Variants in ATP6V1E1 observed in about 807,000 individuals in gnomAD.
ATP6V1E1 encodes V-type proton ATPase subunit E 1.
Under a neutral mutation model 35.2 loss-of-function variants are expected in ATP6V1E1, and 21 were observed. The ratio of observed to expected loss-of-function variants is 0.60; its 90% CI spans 0.42 to 0.86. The LOEUF (loss-of-function observed/expected upper bound fraction) is 0.86. Ranked by LOEUF, ATP6V1E1 falls within the 40% of genes least tolerant of loss-of-function variation. The probability of loss-of-function intolerance (pLI) is 0.00; values close to 1 mark genes in which losing one functional copy is unlikely to be tolerated. For synonymous variants in ATP6V1E1, 83 were observed against 87.8 expected (o/e 0.95, Z 0.30); for missense variants, 183 against 272.6 (o/e 0.67, Z 2.32).
intron 7 of ATP6V1E1, among the ~76,000 whole-genome samples, chr22:17,596,393 G>A (rs959229944): frequency 1.3e-5 from 2 of 152,158 alleles, no homozygotes; most frequent in Admixed American, 6.5e-5. Context: ...ACTGTGAGCA[G>A]AGGGTGGGCT....
chr22:17,593,485 AC>A (rs1247629531), intron 8 of ATP6V1E1, among the ~76,000 whole-genome samples: 1 of 152,190 alleles, frequency 6.6e-6, no homozygotes, highest in African/African-American at 2.4e-5. Context: ...CCTTAGGAGA[AC>A]TTAACCCTGG....
chr22:17,606,458 G>T (rs938605647), intron 4 of ATP6V1E1, among the ~76,000 whole-genome samples: 9 of 150,854 alleles, frequency 6.0e-5, no homozygotes, highest in African/African-American at 2.2e-4. Flanking sequence ...GTTCAATGAC[G>T]GCAAGAAGTT....
intron 4 of ATP6V1E1, among the ~76,000 whole-genome samples, chr22:17,607,815 A>T (rs922537620): frequency 6.6e-6 from 1 of 152,200 alleles, no homozygotes; most frequent in Non-Finnish European, 1.5e-5. Flanking sequence ...GGGAATGAAC[A>T]TCTGCATTTT....
chr22:17,608,922 T>C (rs928673894), intron 4 of ATP6V1E1, among the ~76,000 whole-genome samples: 16 of 151,922 alleles, frequency 1.1e-4, no homozygotes, highest in African/African-American at 3.9e-4. Context: ...CTGTCTGTAC[T>C]AAAAATACAA....
chr22:17,611,487 T>C (rs2057815133), intron 4 of ATP6V1E1, among the ~76,000 whole-genome samples: 1 of 152,228 alleles, frequency 6.6e-6, no homozygotes, highest in African/African-American at 2.4e-5. Flanking sequence ...GTGTCCTAAA[T>C]ATCAGTCCTT....
intron 1 of ATP6V1E1, among the ~76,000 whole-genome samples, chr22:17,625,146 CTATT>C (rs1375173818): frequency 6.6e-6 from 1 of 152,164 alleles, no homozygotes; most frequent in African/African-American, 2.4e-5. Flanking sequence ...TTTGTCATCT[CTATT>C]TACCCTTTGG....
intron 4 of ATP6V1E1, among the ~76,000 whole-genome samples, chr22:17,605,693 C>CT (rs3044548): frequency 0.27 from 28,037 of 104,556 alleles, 4,287 homozygotes; most frequent in East Asian, 0.46. Context: ...AGATGTTTCT[C>CT]TTTTTTTTTT....
At chr22:17,601,229 G>A (rs756732452) in intron 4 of ATP6V1E1, 48 bp from the exon 5 acceptor site, 16 of 1,494,412 alleles carry the variant, frequency 1.1e-5, no homozygotes, top group African/African-American at 2.8e-5. Flanking sequence ...CTGGGCAGTC[G>A]GCTCAGAACC....
chr22:17,604,867 C>T (rs1273490384), intron 4 of ATP6V1E1, among the ~76,000 whole-genome samples: 1 of 152,086 alleles, frequency 6.6e-6, no homozygotes, highest in African/African-American at 2.4e-5. Context: ...GAAATCTCCA[C>T]TTCAGTACCA....
chr22:17,624,289 C>A (rs1291881139), intron 1 of ATP6V1E1, among the ~76,000 whole-genome samples: 1 of 152,218 alleles, frequency 6.6e-6, no homozygotes, highest in African/African-American at 2.4e-5. Context: ...GGTGCAGTGG[C>A]TGACACCTGT....
rs769997156 is a variant in ATP6V1E1, at chr22:17,592,648, G to A, written c.*26C>T. On this transcript the variant is annotated 3_prime_UTR_variant, in exon 9 of 9. Transcript: ENST00000253413. Reference sequence around the variant, plus strand: ...GCTTCCACATCACAGCAGGAGAGCTGACGACGAGCTCCACCTCCTGAAGGC... The same window carrying A: ...GCTTCCACATCACAGCAGGAGAGCTAACGACGAGCTCCACCTCCTGAAGGC... 6.2e-7 allele frequency: 1 copy of A among 1,610,334 alleles called. No individual in the cohort carries two copies. The highest frequency in any genetic ancestry group is 2.2e-5 in the East Asian group (1 of 44,884).
chr22:17,595,842 A>C (rs531214393), intron 7 of ATP6V1E1, among the ~76,000 whole-genome samples: 75 of 151,274 alleles, frequency 5.0e-4, no homozygotes, highest in African/African-American at 9.2e-4. Context: ...ACAACAACAA[A>C]AAAAGAGGCT....
intron 1 of ATP6V1E1, among the ~76,000 whole-genome samples, chr22:17,625,222 G>C (rs2057897911): frequency 6.6e-6 from 1 of 152,002 alleles, no homozygotes; most frequent in Non-Finnish European, 1.5e-5. Flanking sequence ...ATTAGGTTAA[G>C]AATAAAATGA....
At position 17,601,124 on chromosome 22, in the gene ATP6V1E1, A is replaced by G; in HGVS notation, c.334T>C (p.Tyr112His). The G allele has an allele frequency of 6.2e-7, 1 of 1,613,622 alleles. No individual in the cohort carries two copies. The highest frequency in any genetic ancestry group is 8.5e-7 in the Non-Finnish European group (1 of 1,179,826). The change falls in exon 5 of 9, where the codon TAC becomes CAC. Residue 112 changes from tyrosine to histidine, a missense_variant. Physicochemically the swap from Tyr to His is moderately conservative, Grantham distance 83 (BLOSUM62 2). Transcript: ENST00000253413. ...LSKVVKDTTRYQVLLDGLVLQ... is the reference protein window; with the variant it reads ...LSKVVKDTTRHQVLLDGLVLQ... Reference sequence around the variant, plus strand: ...ACCAGTCCATCCAGCAGCACTTGGTACCTGGTTGTATCTTTTACCACCTTG... The same window carrying G: ...ACCAGTCCATCCAGCAGCACTTGGTGCCTGGTTGTATCTTTTACCACCTTG...
rs200282507 is a variant in ATP6V1E1 at position 17,624,234 on chromosome 22, GAC to G, written c.33+4367_33+4368del. ...GTAGCATGAAGGATTATAGGAAATAGACAAGATTCCTTCTTTCAATTTTACAT... is the reference window on the plus strand; with the variant it reads ...GTAGCATGAAGGATTATAGGAAATAGAAGATTCCTTCTTTCAATTTTACAT... On this transcript the variant is annotated intron_variant, in intron 1 of 8. Coordinates refer to ENST00000253413, the MANE Select transcript of ATP6V1E1 (RefSeq NM_001696.4). Among the ~76,000 whole-genome samples, 178 of 152,264 alleles carry G rather than the reference GAC, an allele frequency of 1.2e-3. 3 individuals are homozygous for G. In the East Asian group the frequency reaches 0.027, roughly 23 times the overall value.
At chr22:17,627,910 G>T (rs1176179298) in intron 1 of ATP6V1E1, among the ~76,000 whole-genome samples, 1 of 149,006 alleles carries the variant, frequency 6.7e-6, no homozygotes, top group South Asian at 2.1e-4. Context: ...TCTTCCCTCC[G>T]CACTGTTTCC....
intron 4 of ATP6V1E1, among the ~76,000 whole-genome samples, chr22:17,610,669 T>A (rs2057811006): frequency 6.6e-6 from 1 of 152,252 alleles, no homozygotes. Context: ...TTTTTTGAAT[T>A]GTACAAATAA....
intron 1 of ATP6V1E1, among the ~76,000 whole-genome samples, chr22:17,624,349 T>C (rs2057892992): frequency 6.6e-6 from 1 of 151,652 alleles, no homozygotes; most frequent in Non-Finnish European, 1.5e-5. Context: ...AGGTCAGGAG[T>C]TCGAGACCAG....
chr22:17,622,632 C>A (rs1206002487), intron 1 of ATP6V1E1, among the ~76,000 whole-genome samples: 1 of 151,998 alleles, frequency 6.6e-6, no homozygotes. Flanking sequence ...ACATGTATCT[C>A]AGAACTTAAA....
Sources: gnomAD v4.1 joint callset for allele counts (sites outside exome capture counted in the v4.1 genomes callset) on GRCh38, gnomAD v4.1.1 for gene constraint, MANE v1.5 for transcripts, NCBI Gene and HGNC (gene_info 2026-07-23, HGNC 2026-07-21) for gene names.